The following KLRG1 variants were observed in gnomAD, a reference collection of about 807,000 sequenced individuals.
KLRG1 encodes killer cell lectin like receptor G1.
Under a neutral mutation model 21.8 loss-of-function variants are expected in KLRG1, and 16 were observed. That is an observed-to-expected ratio of 0.73 (90% CI 0.50 to 1.11). KLRG1 has a LOEUF of 1.11. Ranked by LOEUF, KLRG1 falls within the 50% of genes most tolerant of loss-of-function variation. The pLI is 0.00. For missense variants in KLRG1, 173 were observed against 218.3 expected, an observed-to-expected ratio of 0.79 and a Z score of 1.31; for synonymous variants, 69 against 75.9, an observed-to-expected ratio of 0.91 and a Z score of 0.47.
intron 1 of KLRG1, among the ~76,000 whole-genome samples, chr12:8,962,563 A>C (rs1033239727): frequency 6.6e-6 from 1 of 151,950 alleles, no homozygotes; most frequent in Non-Finnish European, 1.5e-5. Context: ...AAAAAATACA[A>C]AAATTAGCTG....
chr12:9,181,982 G>A, the KLRG1 span: 1 of 1,613,304 alleles, frequency 6.2e-7, no homozygotes, highest in Non-Finnish European at 8.5e-7. Flanking sequence ...CACCTTGTTG[G>A]CTAGACAGTT....
At chr12:9,144,112 G>A in the KLRG1 span, among the ~76,000 whole-genome samples, 1 of 152,102 alleles carries the variant, frequency 6.6e-6, no homozygotes, top group African/African-American at 2.4e-5. Flanking sequence ...GTCCAATATT[G>A]GATGTTCCAG....
the KLRG1 span, chr12:9,202,305 T>G: frequency 6.2e-7 from 1 of 1,607,312 alleles, no homozygotes; most frequent in Non-Finnish European, 8.5e-7. Context: ...AAACCACAGA[T>G]AGTGGATGCT....
the KLRG1 span, chr12:9,155,768 G>T: frequency 6.6e-6 from 1 of 152,652 alleles, no homozygotes; most frequent in African/African-American, 2.4e-5. Context: ...CAAAATAAAT[G>T]AAGATCTCAA....
chr12:8,966,899 G>A (rs1160490499), intron 1 of KLRG1, among the ~76,000 whole-genome samples: 139 of 149,322 alleles, frequency 9.3e-4, no homozygotes, highest in African/African-American at 2.8e-3. Flanking sequence ...TGTTTATTGC[G>A]GCATTATTCA....
the KLRG1 span, chr12:9,149,054 GT>G: frequency 6.8e-7 from 1 of 1,477,074 alleles, no homozygotes; most frequent in African/African-American, 1.4e-5. Context: ...ATTCAGTTGA[GT>G]GTGGGCAGCA....
chr12:8,950,463 T>C (rs778546405), intron 1 of KLRG1, among the ~76,000 whole-genome samples: 8 of 152,238 alleles, frequency 5.3e-5, no homozygotes, highest in Non-Finnish European at 1.2e-4. Context: ...GTCCTGCTCA[T>C]TCTTAAACTC....
the KLRG1 span, chr12:9,202,709 A>G: frequency 1.9e-6 from 3 of 1,605,248 alleles, no homozygotes; most frequent in East Asian, 4.5e-5. Flanking sequence ...ATTTTTTACT[A>G]CTGAGGAACT....
chr12:9,122,696 A>G, the KLRG1 span, among the ~76,000 whole-genome samples: 1 of 152,158 alleles, frequency 6.6e-6, no homozygotes, highest in African/African-American at 2.4e-5. Context: ...ATATTATAAA[A>G]ATTTATTAAA....
In KLRG1 at chr12:8,995,189, T is replaced by G; in HGVS notation, c.258T>G (p.Cys86Trp). 1.2e-6 allele frequency: 2 copies of G among 1,613,834 alleles called. No individual in the cohort carries two copies. Among genetic ancestry groups the G allele is most frequent in the Non-Finnish European group, 1.7e-6 (2 of 1,179,832 alleles). The change falls in exon 3 of 5, where the codon TGT becomes TGG. Residue 86 changes from cysteine to tryptophan, a missense_variant. Transcript: ENST00000356986. Reference sequence around the variant, plus strand: ...GCTGGATGAAATATGGTAACCATTGTTATTATTTCTCAGTGGAGGAAAAGG... The same window carrying G: ...GCTGGATGAAATATGGTAACCATTGGTATTATTTCTCAGTGGAGGAAAAGG... ...PDRWMKYGNH[C>W]YYFSVEEKDW...
At chr12:9,142,438 G>C in the KLRG1 span, among the ~76,000 whole-genome samples, 1 of 152,144 alleles carries the variant, frequency 6.6e-6, no homozygotes, top group Non-Finnish European at 1.5e-5. Context: ...ATTAATAAAT[G>C]CAAACAAAAA....
At chr12:9,070,274 A>G in the KLRG1 span, among the ~76,000 whole-genome samples, 1 of 152,240 alleles carries the variant, frequency 6.6e-6, no homozygotes, top group Non-Finnish European at 1.5e-5. Context: ...GAACCTGCTG[A>G]CAATCTTTTT....
the KLRG1 span, among the ~76,000 whole-genome samples, chr12:9,050,676 C>T: frequency 1.3e-5 from 2 of 152,164 alleles, no homozygotes; most frequent in African/African-American, 4.8e-5. Context: ...CTGCAGCTGC[C>T]CAATCCTCAG....
chr12:8,959,660 G>A lies in KLRG1; in HGVS notation c.-156+9424G>A, dbSNP rs767577951. On this transcript the variant is annotated intron_variant, in intron 1 of 4. Coordinates refer to the KLRG1 transcript ENST00000539240. ...GGGCAGCAGGCAAGAAGAACCCCTC[G>A]GGCTATGACAAATAGGGTACAACTC... Among the ~76,000 whole-genome samples, 7 of 152,086 alleles carry A rather than the reference G, an allele frequency of 4.6e-5. No homozygotes were observed. In the South Asian group the frequency reaches 8.3e-4, roughly 18 times the overall value.
At chr12:8,957,050 C>G (rs752765804) in intron 1 of KLRG1, among the ~76,000 whole-genome samples, 10 of 152,204 alleles carry the variant, frequency 6.6e-5, no homozygotes, top group African/African-American at 2.4e-4. Flanking sequence ...CAGGGCCCCC[C>G]CGGCCGTGGA....
the KLRG1 span, among the ~76,000 whole-genome samples, chr12:9,209,727 T>C: frequency 2.0e-5 from 3 of 152,130 alleles, no homozygotes; most frequent in Admixed American, 2.0e-4. Context: ...GAAGTTGATA[T>C]GTATTCTTCA....
At chr12:9,111,644 T>C in the KLRG1 span, 1 of 410,662 alleles carries the variant, frequency 2.4e-6, no homozygotes, top group Middle Eastern at 4.8e-4. Context: ...CTTTTTGAGA[T>C]AAGAAAATGT....
At chr12:8,992,873 A>G (rs1409575774) in intron 2 of KLRG1, among the ~76,000 whole-genome samples, 3 of 152,062 alleles carry the variant, frequency 2.0e-5, no homozygotes, top group Non-Finnish European at 4.4e-5. Flanking sequence ...AAGTCCTCTT[A>G]AAATTTCTCC....
At chr12:9,182,739 G>A in the KLRG1 span, among the ~76,000 whole-genome samples, 2 of 152,142 alleles carry the variant, frequency 1.3e-5, no homozygotes, top group East Asian at 1.9e-4. Flanking sequence ...CTACAAAAGG[G>A]CAACAACAAA....
Sources: gnomAD v4.1 joint callset for allele counts (sites outside exome capture counted in the v4.1 genomes callset) on GRCh38, gnomAD v4.1.1 for gene constraint, MANE v1.5 for transcripts, NCBI Gene and HGNC (gene_info 2026-07-23, HGNC 2026-07-21) for gene names.